The following EYS variants were observed in gnomAD, a reference collection of about 807,000 sequenced individuals.
EYS encodes the protein EGF-like photoreceptor maintenance factor.
A neutral mutation model predicts 282.1 loss-of-function variants in EYS; 250 were observed. The observed-to-expected ratio is 0.89, with a 90% CI of 0.80 to 0.98. EYS has a LOEUF of 0.98. Among genes scored for constraint, EYS ranks in the 50% least tolerant of loss-of-function variants. EYS has a pLI of 0.00. For synonymous variants in EYS, 1,355 were observed against 1,282.9 expected (o/e 1.06, Z -1.20); for missense variants, 4,016 against 3,709.0 (o/e 1.08, Z -2.15).
At chr6:64,513,337 C>A (rs557970103) in intron 26 of EYS, among the ~76,000 whole-genome samples, 3 of 151,964 alleles carry the variant, frequency 2.0e-5, no homozygotes, top group Non-Finnish European at 2.9e-5. Context: ...TATCAAAAAA[C>A]CCTGTTGCTG....
chr6:65,493,500 G>A (rs1766123453), intron 4 of EYS, among the ~76,000 whole-genome samples: 1 of 152,060 alleles, frequency 6.6e-6, no homozygotes, highest in Admixed American at 6.6e-5. Context: ...TCCATGCCAG[G>A]TCTGTCAAAC....
At chr6:64,539,749 A>G (rs1764639784) in intron 26 of EYS, among the ~76,000 whole-genome samples, 2 of 152,200 alleles carry the variant, frequency 1.3e-5, no homozygotes. Flanking sequence ...GGCATGTAAG[A>G]TATTAATAAA....
intron 30 of EYS, among the ~76,000 whole-genome samples, chr6:64,234,486 TTTAAG>T (rs980693441): frequency 6.6e-6 from 1 of 152,214 alleles, no homozygotes; most frequent in Non-Finnish European, 1.5e-5. Context: ...AACTGATATA[TTTAAG>T]TTGTTTTAAG....
intron 12 of EYS, among the ~76,000 whole-genome samples, chr6:65,242,299 C>G (rs1219001769): frequency 1.3e-5 from 2 of 152,004 alleles, no homozygotes; most frequent in African/African-American, 4.8e-5. Flanking sequence ...ATCTCCCCAT[C>G]TGCTCTAGGT....
At chr6:63,836,421 A>T (rs1417694705) in intron 36 of EYS, among the ~76,000 whole-genome samples, 1 of 152,026 alleles carries the variant, frequency 6.6e-6, no homozygotes, top group African/African-American at 2.4e-5. Flanking sequence ...ATTAACAGAA[A>T]GTTATTTGCA....
intron 14 of EYS, among the ~76,000 whole-genome samples, chr6:64,994,813 C>A (rs185834964): frequency 6.6e-6 from 1 of 151,772 alleles, no homozygotes; most frequent in East Asian, 1.9e-4. Context: ...CATTGTTTTC[C>A]AATAGTATAC....
chr6:63,850,837 A>C (rs763636335), intron 36 of EYS, among the ~76,000 whole-genome samples: 4 of 152,232 alleles, frequency 2.6e-5, no homozygotes, highest in Non-Finnish European at 5.9e-5. Context: ...TTAACCTTAC[A>C]TGTAAATGGG....
In EYS at chr6:64,814,769, G is replaced by A. The variant is rs375237599; in HGVS notation, c.3244-1192C>T. The stretch of plus-strand genomic sequence containing the variant: ...TTTTACCTAAAGATAATATCTTAAT[G>A]AACCTAAACCAACTTGAATCATTTT... On this transcript the variant is annotated intron_variant, in intron 21 of 42. Transcript: ENST00000503581. Among the ~76,000 whole-genome samples, 340 of 151,972 alleles carry A rather than the reference G, an allele frequency of 2.2e-3. 6 individuals are homozygous for A. Among genetic ancestry groups the A allele is most frequent in the African/African-American group, 7.7e-3 (318 of 41,510 alleles).
chr6:65,683,820 T>C (rs1268185404), intron 1 of EYS, among the ~76,000 whole-genome samples: 2 of 151,994 alleles, frequency 1.3e-5, no homozygotes, highest in Non-Finnish European at 2.9e-5. Context: ...CAGGCAACAT[T>C]TCCAACAGTA....
chr6:63,907,960 G>A (rs1773816128), intron 35 of EYS, among the ~76,000 whole-genome samples: 1 of 148,304 alleles, frequency 6.7e-6, no homozygotes, highest in African/African-American at 2.5e-5. Flanking sequence ...TCTTTTTTAT[G>A]CCTGAATAGT....
At chr6:64,278,136 G>T (rs1043014480) in intron 30 of EYS, among the ~76,000 whole-genome samples, 1 of 152,104 alleles carries the variant, frequency 6.6e-6, no homozygotes, top group Non-Finnish European at 1.5e-5. Flanking sequence ...GATGCCTTAT[G>T]AGATAGTAAA....
At chr6:65,608,414 G>A (rs936293819) in intron 2 of EYS, among the ~76,000 whole-genome samples, 1 of 152,044 alleles carries the variant, frequency 6.6e-6, no homozygotes, top group Admixed American at 6.6e-5. Context: ...GTCAGTGAGT[G>A]AGTGCTGAGT....
At chr6:64,848,326 A>G (rs1765778739) in intron 19 of EYS, among the ~76,000 whole-genome samples, 1 of 152,022 alleles carries the variant, frequency 6.6e-6, no homozygotes, top group Non-Finnish European at 1.5e-5. Context: ...TGCTTTGATC[A>G]TTTAAAAATC....
chr6:64,593,317 T>C lies in EYS; in HGVS notation c.3685-8A>G, dbSNP rs1009059396. On this transcript the variant is annotated splice_polypyrimidine_tract_variant and splice_region_variant and intron_variant, in intron 24 of 42. Coordinates refer to ENST00000503581, the MANE Select transcript of EYS (RefSeq NM_001142800.2). The stretch of plus-strand genomic sequence containing the variant: ...AAGCCCAATGGAGCAGGTCTGCAAA[T>C]GACAATTACAGTAATTAAATTAAGC... 1 of 1,542,762 alleles carries C rather than the reference T, an allele frequency of 6.5e-7. No homozygotes were observed. Among genetic ancestry groups the C allele is most frequent in the African/African-American group, 1.4e-5 (1 of 72,604 alleles).
At chr6:65,469,668 G>A (rs1765136033) in intron 5 of EYS, among the ~76,000 whole-genome samples, 1 of 151,840 alleles carries the variant, frequency 6.6e-6, no homozygotes, top group Non-Finnish European at 1.5e-5. Context: ...TTTCAAGAAA[G>A]AGGGACATTT....
intron 22 of EYS, among the ~76,000 whole-genome samples, chr6:64,682,645 T>A (rs1769940869): frequency 6.6e-6 from 1 of 151,772 alleles, no homozygotes; most frequent in Non-Finnish European, 1.5e-5. Flanking sequence ...GGGTAAGGAG[T>A]ACTTTGCATG....
intron 11 of EYS, among the ~76,000 whole-genome samples, chr6:65,311,923 T>C (rs1160730181): frequency 6.6e-6 from 1 of 152,232 alleles, no homozygotes; most frequent in African/African-American, 2.4e-5. Flanking sequence ...TGCATAAGTA[T>C]GTAGGGGTAC....
chr6:64,150,229 A>T (rs773895049), intron 31 of EYS, among the ~76,000 whole-genome samples: 57 of 152,356 alleles, frequency 3.7e-4, no homozygotes, highest in Middle Eastern at 3.4e-3. Flanking sequence ...TAAGCACATT[A>T]TGTTTGAGAA....
chr6:64,392,565 T>C (rs1009158706), intron 28 of EYS, among the ~76,000 whole-genome samples: 68 of 151,954 alleles, frequency 4.5e-4, no homozygotes, highest in African/African-American at 1.6e-3. Flanking sequence ...AATAAAGATG[T>C]TCTTTGAAAC....
Sources: gnomAD v4.1 joint callset for allele counts (sites outside exome capture counted in the v4.1 genomes callset) on GRCh38, gnomAD v4.1.1 for gene constraint, MANE v1.5 for transcripts, NCBI Gene and HGNC (gene_info 2026-07-23, HGNC 2026-07-21) for gene names.